EIF4G3: variants seen among roughly 807,000 people sequenced by gnomAD.
The protein encoded by EIF4G3 is eukaryotic translation initiation factor 4 gamma 3, also known as eIF-4-gamma 3.
In EIF4G3, 34 loss-of-function variants were observed where a neutral mutation model predicts 186.4. That is an observed-to-expected ratio of 0.18 (90% CI 0.14 to 0.24). The LOEUF (loss-of-function observed/expected upper bound fraction) is 0.24. EIF4G3 is among the 10% of genes least tolerant of loss of function. The probability of loss-of-function intolerance (pLI) is 1.00; values close to 1 mark genes in which losing one functional copy is unlikely to be tolerated. For missense variants in EIF4G3, 1,536 were observed against 1,948.5 expected (o/e 0.79, Z 3.99); for synonymous variants, 673 against 679.5 (o/e 0.99, Z 0.15).
chr1:21,000,756 TA>T (rs993934681), intron 6 of EIF4G3, among the ~76,000 whole-genome samples: 10 of 152,052 alleles, frequency 6.6e-5, no homozygotes, highest in Non-Finnish European at 1.5e-5. Flanking sequence ...ATGGGGTGGG[TA>T]ATGGTCACTA....
intron 2 of EIF4G3, among the ~76,000 whole-genome samples, chr1:21,106,503 G>A (rs1480299389): frequency 6.6e-6 from 1 of 152,098 alleles, no homozygotes; most frequent in East Asian, 1.9e-4. Context: ...TAGGCAGACA[G>A]CAGTACTACT....
intron 31 of EIF4G3, among the ~76,000 whole-genome samples, chr1:20,828,829 C>A (rs931175628): frequency 7.2e-5 from 11 of 152,314 alleles, no homozygotes; most frequent in African/African-American, 2.6e-4. Flanking sequence ...TACAGCACTA[C>A]TGCAATGATA....
At chr1:20,916,457 A>C (rs767970139) in intron 14 of EIF4G3, among the ~76,000 whole-genome samples, 2 of 151,940 alleles carry the variant, frequency 1.3e-5, no homozygotes, top group Admixed American at 6.6e-5. Flanking sequence ...AAAAAAAAAA[A>C]CAAAAACAAA....
At chr1:21,019,591 A>G (rs770931633) in intron 4 of EIF4G3, among the ~76,000 whole-genome samples, 11 of 152,216 alleles carry the variant, frequency 7.2e-5, no homozygotes, top group Non-Finnish European at 1.6e-4. Flanking sequence ...AACAGAATAC[A>G]TATTTTCTCA....
chr1:21,099,423 G>C (rs1450182219), intron 2 of EIF4G3, among the ~76,000 whole-genome samples: 2 of 152,186 alleles, frequency 1.3e-5, no homozygotes, highest in African/African-American at 4.8e-5. Context: ...TGGAATACTA[G>C]TAGGCATTTA....
intron 13 of EIF4G3, among the ~76,000 whole-genome samples, chr1:20,944,030 G>GTC: frequency 1.3e-5 from 2 of 148,786 alleles, no homozygotes; most frequent in Non-Finnish European, 3.0e-5. Context: ...GTGTGTGTGT[G>GTC]TGTGTGTGTG....
intron 23 of EIF4G3, 140 bp downstream of exon 23, chr1:20,862,088 A>T: frequency 3.8e-6 from 2 of 526,518 alleles, no homozygotes; most frequent in Admixed American, 3.8e-5. Context: ...TCTCCCACGG[A>T]AAGTTTGCCA....
intron 3 of EIF4G3, among the ~76,000 whole-genome samples, chr1:21,056,269 C>G (rs1283134253): frequency 6.6e-6 from 1 of 152,110 alleles, no homozygotes; most frequent in East Asian, 1.9e-4. Context: ...AAGTCTGTAT[C>G]AAAATAATAG....
chr1:20,892,530 T>C, intron 18 of EIF4G3: 1 of 1,006,406 alleles, frequency 9.9e-7, no homozygotes, highest in East Asian at 2.6e-5. Flanking sequence ...AAATTTTGAC[T>C]TAACAATCAA....
intron 6 of EIF4G3, 101 bp from the exon 7 acceptor site, chr1:20,997,734 A>C (rs1390307984): frequency 1.1e-6 from 1 of 877,492 alleles, no homozygotes; most frequent in Non-Finnish European, 1.7e-6. Flanking sequence ...AAAGAAAAAA[A>C]ACCCACAGTG....
At chr1:20,828,389 C>G (rs1032942781) in intron 31 of EIF4G3, among the ~76,000 whole-genome samples, 1 of 152,030 alleles carries the variant, frequency 6.6e-6, no homozygotes, top group African/African-American at 2.4e-5. Context: ...ATGGATGAAA[C>G]AGCAAAGGGG....
Position 21,002,781 on chromosome 1 carries a change from C to T in EIF4G3, c.-39G>A. 1 of 1,612,644 alleles carries T rather than the reference C, an allele frequency of 6.2e-7. No individual in the cohort carries two copies. The highest frequency in any genetic ancestry group is 8.5e-7 in the Non-Finnish European group (1 of 1,178,872). ...TGAGGGTATACCAGCGTGGTTGGACCTGCATTCTGTCCAGAGGGATAAGGG... is the reference window on the plus strand; with the variant it reads ...TGAGGGTATACCAGCGTGGTTGGACTTGCATTCTGTCCAGAGGGATAAGGG... On this transcript the variant is annotated 5_prime_UTR_variant, in exon 5 of 37. Coordinates refer to ENST00000602326, the MANE Select transcript of EIF4G3 (RefSeq NM_001391906.1).
intron 3 of EIF4G3, among the ~76,000 whole-genome samples, chr1:21,052,050 A>G (rs1197525745): frequency 6.6e-6 from 1 of 152,238 alleles, no homozygotes; most frequent in Non-Finnish European, 1.5e-5. Flanking sequence ...AACAGAAAGC[A>G]TTACAGGTAT....
At chr1:21,103,395 T>C (rs551179331) in intron 2 of EIF4G3, among the ~76,000 whole-genome samples, 1 of 152,338 alleles carries the variant, frequency 6.6e-6, no homozygotes, top group South Asian at 2.1e-4. Flanking sequence ...CTACAAATCC[T>C]GTTTTAAGAG....
chr1:20,906,035 AT>A (rs71585793), intron 14 of EIF4G3, among the ~76,000 whole-genome samples: 4 of 152,198 alleles, frequency 2.6e-5, no homozygotes, highest in Non-Finnish European at 5.9e-5. Context: ...TTTAATATTA[AT>A]TTTTTTCCTC....
At chr1:21,053,993 GC>G (rs1427658739) in intron 3 of EIF4G3, among the ~76,000 whole-genome samples, 2 of 152,216 alleles carry the variant, frequency 1.3e-5, no homozygotes, top group African/African-American at 4.8e-5. Flanking sequence ...TTGAGAACGG[GC>G]CACGATGACA....
At chr1:21,041,462 T>C (rs551019956) in intron 4 of EIF4G3, among the ~76,000 whole-genome samples, 23 of 152,142 alleles carry the variant, frequency 1.5e-4, no homozygotes, top group Non-Finnish European at 3.2e-4. Flanking sequence ...TTTGAAATAG[T>C]TTAGTGTAAT....
At chr1:20,838,865 T>C (rs916729055) in intron 30 of EIF4G3, among the ~76,000 whole-genome samples, 5 of 152,158 alleles carry the variant, frequency 3.3e-5, no homozygotes, top group Non-Finnish European at 4.4e-5. Context: ...TTAGTATAGA[T>C]GGAGTTTCAC....
At chr1:21,120,158 A>T (rs910624031) in intron 2 of EIF4G3, among the ~76,000 whole-genome samples, 7 of 149,908 alleles carry the variant, frequency 4.7e-5, no homozygotes, top group Admixed American at 1.4e-4. Flanking sequence ...TATACATACT[A>T]GATAAATGAT....
Sources: allele counts gnomAD v4.1 joint callset (sites outside exome capture counted in the v4.1 genomes callset), GRCh38; gene constraint gnomAD v4.1.1; transcripts MANE v1.5; gene names NCBI Gene and HGNC (gene_info 2026-07-23, HGNC 2026-07-21).